The following NEK4 variants were observed in gnomAD, a reference collection of about 807,000 sequenced individuals.
NEK4 encodes the protein serine/threonine-protein kinase Nek4.
NEK4 carries 86 observed loss-of-function variants against 98.4 expected under a neutral mutation model. The observed-to-expected ratio is 0.87, with a 90% confidence interval of 0.73 to 1.05. The LOEUF is 1.05. Among genes scored for constraint, NEK4 ranks in the 50% least tolerant of loss-of-function variants. The pLI, the probability that NEK4 is intolerant of heterozygous loss-of-function variation, is 0.00. For synonymous variants in NEK4, 328 were observed against 342.2 expected, an observed-to-expected ratio of 0.96 and a Z score of 0.46; for missense variants, 898 against 950.3, an observed-to-expected ratio of 0.94 and a Z score of 0.72.
chr3:52,761,823 C>T (rs551457912), intron 5 of NEK4, among the ~76,000 whole-genome samples: 3 of 152,268 alleles, frequency 2.0e-5, no homozygotes, highest in Admixed American at 6.5e-5. Flanking sequence ...TGTAATAATA[C>T]CACAACTGCT....
intron 15 of NEK4, among the ~76,000 whole-genome samples, chr3:52,714,344 G>A (rs1053129024): frequency 8.5e-5 from 13 of 152,214 alleles, no homozygotes; most frequent in Non-Finnish European, 1.8e-4. Context: ...TGGCAGTCAC[G>A]GGCCATCCGG....
In NEK4 at chr3:52,766,319, T is replaced by C; in HGVS notation, c.417A>G (p.Leu139=). 6.2e-7 allele frequency: 1 copy of C among 1,614,126 alleles called. No individual in the cohort carries two copies. Among genetic ancestry groups the C allele is most frequent in the Non-Finnish European group, 8.5e-7 (1 of 1,179,974 alleles). Residue 139 remains leucine (L), a synonymous_variant, in exon 3 of 16, where the codon CTA becomes CTG. Transcript: ENST00000233027. ...HRDLKTQNVF[L]TRTNIIKVGD... is the part of the protein sequence containing the mutation. The stretch of plus-strand genomic sequence containing the variant: ...CTACTTTGATGATGTTTGTTCTTGT[T>C]AGGAAGACATTTTGAGTTTTCAGAT...
intron 15 of NEK4, among the ~76,000 whole-genome samples, chr3:52,725,531 C>CA (rs71615867): frequency 0.35 from 50,653 of 144,500 alleles, 9,418 homozygotes; most frequent in Admixed American, 0.46. Context: ...CAAAACAAAA[C>CA]AAAAAAAAAA....
intron 15 of NEK4, among the ~76,000 whole-genome samples, chr3:52,728,866 G>C (rs536441676): frequency 2.5e-4 from 38 of 152,262 alleles, no homozygotes; most frequent in African/African-American, 8.4e-4. Flanking sequence ...TTATGTGGTT[G>C]AGATAAGGAC....
At chr3:52,742,771 CT>C (rs930233682) in intron 12 of NEK4, among the ~76,000 whole-genome samples, 4 of 152,054 alleles carry the variant, frequency 2.6e-5, no homozygotes, top group African/African-American at 9.7e-5. Context: ...TTAGAAAGTT[CT>C]GTTATTTATT....
chr3:52,742,879 T>A (rs2097389090), intron 12 of NEK4, among the ~76,000 whole-genome samples: 1 of 152,198 alleles, frequency 6.6e-6, no homozygotes, highest in Non-Finnish European at 1.5e-5. Context: ...AGCCTCAACC[T>A]CTTGGGCTCA....
chr3:52,761,050 A>C, intron 5 of NEK4, 114 bp from the exon 6 acceptor site: 1 of 660,146 alleles, frequency 1.5e-6, no homozygotes, highest in Non-Finnish European at 2.5e-6. Context: ...TGCACCATTT[A>C]TAGAGAATAG....
chr3:52,744,354 ATAACACCTACAATC>A, intron 10 of NEK4, 49 bp from the exon 11 acceptor site: 1 of 1,328,424 alleles, frequency 7.5e-7, no homozygotes, highest in Non-Finnish European at 1.1e-6. Context: ...TGCTATTTTT[ATAACACCTACAATC>A]CATGATGTAT....
intron 6 of NEK4, among the ~76,000 whole-genome samples, chr3:52,757,460 A>T (rs1166064332): frequency 6.6e-6 from 1 of 151,796 alleles, no homozygotes; most frequent in Non-Finnish European, 1.5e-5. Context: ...TGGGAGGCTG[A>T]GGCAGGAGAA....
intron 15 of NEK4, among the ~76,000 whole-genome samples, chr3:52,728,519 G>A (rs972494760): frequency 2.6e-5 from 4 of 152,132 alleles, no homozygotes; most frequent in African/African-American, 9.7e-5. Context: ...GAGGATGTAC[G>A]TCACCTCAGG....
chr3:52,708,750 A>G lies in NEK4; in HGVS notation c.*3027T>C, dbSNP rs1244921779. On this transcript the variant is annotated 3_prime_UTR_variant, in exon 16 of 16. Transcript: ENST00000233027. ...CGGATCATGTACAAAGCAACAGGAA[A>G]AAAAAAACTGCAAGCAGTAAAGGTT... The G allele has an allele frequency of 6.6e-6, 1 of 152,202 alleles. No homozygotes were observed. The highest frequency in any genetic ancestry group is 1.5e-5 in the Non-Finnish European group (1 of 68,034). The allele number at this position is 152,202 out of a possible 1,614,324, so 9.4% of individuals were successfully genotyped here.
chr3:52,748,665 T>C lies in NEK4; in HGVS notation c.1506+1027A>G, dbSNP rs942586768. 2.0e-5 allele frequency among the ~76,000 whole-genome samples: 3 copies of C among 152,300 alleles called. No homozygotes were observed. The South Asian group carries it at 6.2e-4, about 32-fold the overall frequency. On this transcript the variant is annotated intron_variant, in intron 8 of 15. Transcript: ENST00000233027. ...TGCAGTCTTATGTGAGAAACTTAAT[T>C]TCCCTGAGCCCAGTTTCATCATTTA... is the stretch of plus-strand genomic sequence containing the variant.
chr3:52,744,467 C>CTT, intron 10 of NEK4, among the ~76,000 whole-genome samples, 162 bp from the exon 11 acceptor site: 2 of 152,072 alleles, frequency 1.3e-5, no homozygotes, highest in Non-Finnish European at 2.9e-5. Context: ...GGGCAGATCA[C>CTT]CAGGTCAGGA....
In NEK4 at chr3:52,711,166, T is replaced by G. The variant is rs1352763922; in HGVS notation, c.*611A>C. 1 of 152,484 alleles carries G rather than the reference T, an allele frequency of 6.6e-6. No homozygotes were observed. Among genetic ancestry groups the G allele is most frequent in the Admixed American group, 6.5e-5 (1 of 15,282 alleles). 9.4% of individuals were successfully genotyped at this position (152,484 alleles called of 1,614,324 possible). A position where few individuals can be genotyped will look rare whatever the true frequency, so the allele number is the denominator to read the frequency against. Reference sequence around the variant, plus strand: ...AAAGCCAATGTGTCTCAGTTTTAATTTGTATATACCCTAGATGAGGTTTAT... The same window carrying G: ...AAAGCCAATGTGTCTCAGTTTTAATGTGTATATACCCTAGATGAGGTTTAT... On this transcript the variant is annotated 3_prime_UTR_variant, in exon 16 of 16. Transcript: ENST00000233027.
chr3:52,744,082 G>T (rs150055807), intron 11 of NEK4, among the ~76,000 whole-genome samples, 157 bp downstream of exon 11: 74 of 152,316 alleles, frequency 4.9e-4, no homozygotes, highest in African/African-American at 1.8e-3. Context: ...TTTCTTAAAA[G>T]ACTTGACTAA....
At chr3:52,740,502 A>G (rs891095086) in intron 13 of NEK4, among the ~76,000 whole-genome samples, 1 of 152,206 alleles carries the variant, frequency 6.6e-6, no homozygotes, top group Admixed American at 6.5e-5. Context: ...TGAAACAGAA[A>G]AAAAGTAAAA....
chr3:52,755,539 A>C (rs541780608), intron 6 of NEK4, among the ~76,000 whole-genome samples: 74 of 152,290 alleles, frequency 4.9e-4, no homozygotes, highest in African/African-American at 1.7e-3. Flanking sequence ...AAAAAAATTC[A>C]TAACATAATA....
chr3:52,760,075 G>C (rs530591740), intron 6 of NEK4, among the ~76,000 whole-genome samples: 2 of 152,324 alleles, frequency 1.3e-5, no homozygotes, highest in East Asian at 3.9e-4. Context: ...GGACAAAATG[G>C]GAGTGACTGC....
intron 15 of NEK4, among the ~76,000 whole-genome samples, chr3:52,731,657 A>G (rs760178345): frequency 6.6e-5 from 10 of 152,232 alleles, no homozygotes; most frequent in Non-Finnish European, 1.3e-4. Flanking sequence ...AATGTGTCCA[A>G]TGAGACCTGG....
Sources: allele counts gnomAD v4.1 joint callset (sites outside exome capture counted in the v4.1 genomes callset), GRCh38; gene constraint gnomAD v4.1.1; transcripts MANE v1.5; gene names NCBI Gene and HGNC (gene_info 2026-07-23, HGNC 2026-07-21).